DENND5B: variants seen among roughly 807,000 people sequenced by gnomAD.
DENND5B encodes DENN domain containing 5B.
Under a neutral mutation model 140.6 loss-of-function variants are expected in DENND5B, and 34 were observed. The observed-to-expected ratio is 0.24, with a 90% CI of 0.18 to 0.32. The LOEUF (loss-of-function observed/expected upper bound fraction) is 0.32, where lower values mean the gene tolerates loss of function less well. Ranked by LOEUF, DENND5B falls within the 10% of genes least tolerant of loss-of-function variation. The probability of loss-of-function intolerance (pLI) is 1.00; values close to 1 mark genes in which losing one functional copy is unlikely to be tolerated. For missense variants in DENND5B, 1,142 were observed against 1,560.2 expected, an observed-to-expected ratio of 0.73 and a Z score of 4.52; for synonymous variants, 551 against 562.1, an observed-to-expected ratio of 0.98 and a Z score of 0.28.
chr12:31,408,074 T>C (rs1942230453), intron 14 of DENND5B, among the ~76,000 whole-genome samples: 1 of 152,152 alleles, frequency 6.6e-6, no homozygotes, highest in Non-Finnish European at 1.5e-5. Context: ...GGCGGATGGA[T>C]CACCTGAGGT....
intron 6 of DENND5B, among the ~76,000 whole-genome samples, chr12:31,445,375 T>C (rs1251013642): frequency 6.6e-6 from 1 of 152,108 alleles, no homozygotes; most frequent in African/African-American, 2.4e-5. Flanking sequence ...GTTTTCTCAA[T>C]TGTAAAATGA....
intron 1 of DENND5B, among the ~76,000 whole-genome samples, chr12:31,579,638 G>GTTTATTTA (rs143308745): frequency 6.7e-6 from 1 of 150,144 alleles, no homozygotes; most frequent in African/African-American, 2.4e-5. Flanking sequence ...TCTAGCCTGG[G>GTTTATTTA]TTTATTTATT....
intron 1 of DENND5B, among the ~76,000 whole-genome samples, chr12:31,503,520 C>T (rs915126253): frequency 2.6e-5 from 4 of 152,156 alleles, no homozygotes. Context: ...TGATCCATTC[C>T]AGCCTGGGCA....
intron 7 of DENND5B, among the ~76,000 whole-genome samples, chr12:31,440,956 T>C (rs1944002746): frequency 6.6e-6 from 1 of 152,138 alleles, no homozygotes; most frequent in South Asian, 2.1e-4. Flanking sequence ...GGCTGGTCTT[T>C]AACTCCTGGC....
intron 11 of DENND5B, among the ~76,000 whole-genome samples, chr12:31,422,858 T>C (rs1455670467): frequency 6.6e-6 from 1 of 152,158 alleles, no homozygotes; most frequent in Non-Finnish European, 1.5e-5. Context: ...TTTCTATAAA[T>C]TGAAGAGAGA....
chr12:31,526,142 C>T (rs1436576566), intron 1 of DENND5B, among the ~76,000 whole-genome samples: 4 of 152,078 alleles, frequency 2.6e-5, no homozygotes, highest in Admixed American at 1.3e-4. Context: ...TTATATATTA[C>T]CTATATTAGA....
At chr12:31,394,228 T>C (rs1333706585) in intron 17 of DENND5B, among the ~76,000 whole-genome samples, 4 of 152,134 alleles carry the variant, frequency 2.6e-5, no homozygotes, top group Non-Finnish European at 4.4e-5. Context: ...TCAGTATTAT[T>C]ATAAAACTGA....
At chr12:31,538,145 C>T (rs2126897) in intron 1 of DENND5B, among the ~76,000 whole-genome samples, 3 of 152,148 alleles carry the variant, frequency 2.0e-5, no homozygotes, top group South Asian at 4.1e-4. Context: ...ACCAAATGGA[C>T]CTAATCAGAC....
intron 1 of DENND5B, among the ~76,000 whole-genome samples, chr12:31,559,032 C>T (rs1415833445): frequency 6.6e-6 from 1 of 152,128 alleles, no homozygotes; most frequent in Admixed American, 6.6e-5. Flanking sequence ...TAATCAAATA[C>T]ACCTTAATTC....
intron 2 of DENND5B, among the ~76,000 whole-genome samples, chr12:31,491,087 T>G (rs921393508): frequency 6.6e-5 from 10 of 152,190 alleles, no homozygotes; most frequent in African/African-American, 2.4e-4. Context: ...GAATATTACA[T>G]AGTCATGGAT....
chr12:31,436,088 C>A (rs540589502), intron 7 of DENND5B, among the ~76,000 whole-genome samples: 2 of 151,762 alleles, frequency 1.3e-5, no homozygotes, highest in African/African-American at 4.8e-5. Context: ...TGTGTCTGTT[C>A]CCAGCTGCCT....
intron 3 of DENND5B, 101 bp downstream of exon 3, chr12:31,479,488 T>G: frequency 8.7e-7 from 1 of 1,145,574 alleles, no homozygotes; most frequent in South Asian, 2.3e-5. Context: ...CAGAAAAGAC[T>G]GTGATCATTA....
At chr12:31,529,117 A>G (rs922434777) in intron 1 of DENND5B, among the ~76,000 whole-genome samples, 10 of 149,684 alleles carry the variant, frequency 6.7e-5, no homozygotes, top group African/African-American at 2.2e-4. Context: ...GAGCCAAGAT[A>G]GCGCCACTAA....
intron 3 of DENND5B, among the ~76,000 whole-genome samples, chr12:31,462,378 G>A (rs889543525): frequency 6.6e-6 from 1 of 152,034 alleles, no homozygotes; most frequent in African/African-American, 2.4e-5. Context: ...ATGAAAAGCT[G>A]ACCTGAAACC....
chr12:31,441,242 G>T (rs1944015780), intron 7 of DENND5B, among the ~76,000 whole-genome samples: 1 of 152,136 alleles, frequency 6.6e-6, no homozygotes, highest in Admixed American at 6.5e-5. Context: ...TACTTGGGAG[G>T]CTGAGGCAGG....
intron 1 of DENND5B, among the ~76,000 whole-genome samples, chr12:31,561,735 G>A (rs1367581521): frequency 6.6e-6 from 1 of 152,136 alleles, no homozygotes; most frequent in Non-Finnish European, 1.5e-5. Context: ...TACATTGAGC[G>A]CCTACTATTT....
chr12:31,407,303 G>C (rs143406622), intron 14 of DENND5B, among the ~76,000 whole-genome samples: 3,371 of 151,722 alleles, frequency 0.022, 132 homozygotes, highest in African/African-American at 0.076. Flanking sequence ...GCTAATTTTT[G>C]TATTTTTAGT....
intron 7 of DENND5B, among the ~76,000 whole-genome samples, chr12:31,435,178 C>T (rs772965093): frequency 7.9e-5 from 12 of 152,086 alleles, no homozygotes; most frequent in Non-Finnish European, 1.6e-4. Flanking sequence ...ATTTCTCTCA[C>T]GACTACCCAT....
chr12:31,573,666 A>C (rs1436963963), intron 1 of DENND5B, among the ~76,000 whole-genome samples: 2 of 152,224 alleles, frequency 1.3e-5, no homozygotes, highest in East Asian at 3.8e-4. Flanking sequence ...ATGATTCTTC[A>C]ATGGACAATT....
Sources: gnomAD v4.1 joint callset for allele counts (sites outside exome capture counted in the v4.1 genomes callset) on GRCh38, gnomAD v4.1.1 for gene constraint, MANE v1.5 for transcripts, NCBI Gene and HGNC (gene_info 2026-07-23, HGNC 2026-07-21) for gene names.